The following EIF3E variants were observed in gnomAD, a reference collection of about 807,000 sequenced individuals.
The protein encoded by EIF3E is eIF-3 p48.
In EIF3E, 25 loss-of-function variants were observed where a neutral mutation model predicts 59.3. That is an observed-to-expected ratio of 0.42 (90% CI 0.31 to 0.59). EIF3E has a LOEUF of 0.59. Ranked by LOEUF, EIF3E falls within the 20% of genes least tolerant of loss-of-function variation. The probability of loss-of-function intolerance (pLI) is 0.15; values close to 1 mark genes in which losing one functional copy is unlikely to be tolerated. For missense variants in EIF3E, 317 were observed against 534.3 expected, an observed-to-expected ratio of 0.59 and a Z score of 4.01; for synonymous variants, 176 against 170.2, an observed-to-expected ratio of 1.03 and a Z score of -0.26.
chr8:108,235,182 C>A, intron 4 of EIF3E, 80 bp from the exon 5 acceptor site: 2 of 787,182 alleles, frequency 2.5e-6, no homozygotes, highest in Admixed American at 3.3e-5. Context: ...TCTTTGAGGT[C>A]AAAACTATGA....
chr8:108,231,711 T>A (rs1204691305), intron 5 of EIF3E: 1 of 152,118 alleles, frequency 6.6e-6, no homozygotes, highest in South Asian at 2.1e-4. Context: ...GCAAAAGTGT[T>A]CAAAAATTCC....
At chr8:108,242,160 T>C (rs1303776130) in intron 1 of EIF3E, 1 of 1,372,730 alleles carries the variant, frequency 7.3e-7, no homozygotes, top group Non-Finnish European at 9.6e-7. Context: ...CCCACCTACT[T>C]CTGATTTACA....
At chr8:108,240,124 G>T in intron 2 of EIF3E, 49 bp from the exon 3 acceptor site, 1 of 1,444,338 alleles carries the variant, frequency 6.9e-7, no homozygotes, top group Non-Finnish European at 9.8e-7. Context: ...ATGTTAAATT[G>T]TGCTACTCAT....
At chr8:108,211,921 C>A (rs1440240958) in intron 10 of EIF3E, among the ~76,000 whole-genome samples, 1 of 152,222 alleles carries the variant, frequency 6.6e-6, no homozygotes, top group African/African-American at 2.4e-5. Context: ...TCTTTATCCT[C>A]TGGCTCAACT....
intron 4 of EIF3E, among the ~76,000 whole-genome samples, chr8:108,235,782 A>G (rs949078890): frequency 1.3e-5 from 2 of 152,248 alleles, no homozygotes; most frequent in African/African-American, 4.8e-5. Flanking sequence ...TGCTCAAAGC[A>G]TTTCTAATTC....
rs1170102907 is a variant in EIF3E at position 108,229,182 on chromosome 8, T to C, written c.485A>G (p.Asp162Gly). ...CCAGAGTGAACTTAAAGCATTTCTA[T>C]CTGTTGCTGGAACCTGTTTAAGAAA... The part of the protein sequence containing the change: ...YFFRVLVPAT[D>G]RNALSSLWGK... The change falls in exon 6 of 13, where the codon GAT becomes GGT. Residue 162 changes from aspartate (D) to glycine (G), a missense_variant. Around this residue, in one of 4 missense-constraint regions of EIF3E, gnomAD observed 242 missense variants for 398.0 expected, o/e 0.61. Coordinates refer to ENST00000220849, the MANE Select transcript of EIF3E (RefSeq NM_001568.3). The C allele has an allele frequency of 6.2e-7, 1 of 1,612,664 alleles. No individual in the cohort carries two copies.
intron 7 of EIF3E, among the ~76,000 whole-genome samples, chr8:108,225,885 T>C (rs1470043760): frequency 6.8e-6 from 1 of 146,646 alleles, no homozygotes; most frequent in Non-Finnish European, 1.5e-5. Flanking sequence ...GTTTTCAAAG[T>C]TACTTTCGTT....
Position 108,229,103 on chromosome 8 carries a change from G to T in EIF3E, c.564C>A (p.Asp188Glu), listed in dbSNP as rs139998363. 3.0e-5 allele frequency: 48 copies of T among 1,612,228 alleles called. No homozygotes were observed. The highest frequency in any genetic ancestry group is 3.8e-5 in the Non-Finnish European group (45 of 1,179,334). Reference protein sequence around the residue: ...LMQNWDAAMEDLTRLKETIDN... With the variant: ...LMQNWDAAMEELTRLKETIDN... ...CTATGGTCTCTTTTAACCGTGTAAG[G>T]TCTTCCATGGCTGCATCCCAATTCT... is the stretch of plus-strand genomic sequence containing the variant. The change falls in exon 6 of 13, where the codon GAC (aspartate) becomes GAA (glutamate). Residue 188 changes from aspartate (D) to glutamate (E), a missense_variant. Coordinates refer to ENST00000220849, the MANE Select transcript of EIF3E (RefSeq NM_001568.3).
At chr8:108,228,093 GTTTAC>G in intron 7 of EIF3E, 169 bp downstream of exon 7, 1 of 614,774 alleles carries the variant, frequency 1.6e-6, no homozygotes, top group Non-Finnish European at 2.6e-6. Context: ...CTGTCAAATA[GTTTAC>G]TTAAGAGTCA....
chr8:108,244,469 T>C (rs1159676266), intron 1 of EIF3E, among the ~76,000 whole-genome samples: 3 of 152,206 alleles, frequency 2.0e-5, no homozygotes, highest in Non-Finnish European at 4.4e-5. Context: ...GATGACTCTT[T>C]AAAAGCTTGA....
Position 108,201,629 on chromosome 8 carries a change from C to T in EIF3E, c.*256G>A. The T allele has an allele frequency of 3.6e-6, 1 of 276,000 alleles. No homozygotes were observed. Among genetic ancestry groups the T allele is most frequent in the Non-Finnish European group, 6.9e-6 (1 of 145,678 alleles). 17.1% of individuals were successfully genotyped at this position (276,000 alleles called of 1,614,324 possible). A position where few individuals can be genotyped will look rare whatever the true frequency, so the allele number is the denominator to read the frequency against. ...TGAAAAAATTGAGGGAAACAGGGTT[C>T]AGCCTACAGGGACTTCTCTGTACTA... On this transcript the variant is annotated 3_prime_UTR_variant, in exon 13 of 13. Coordinates refer to ENST00000220849, the MANE Select transcript of EIF3E (RefSeq NM_001568.3).
chr8:108,216,058 T>C (rs909041546), intron 9 of EIF3E, among the ~76,000 whole-genome samples: 1 of 152,192 alleles, frequency 6.6e-6, no homozygotes, highest in African/African-American at 2.4e-5. Context: ...TGCCTGTACA[T>C]ATGAAATATT....
chr8:108,201,909 T>C lies in EIF3E; in HGVS notation c.1314A>G (p.Ala438=), dbSNP rs1286122019. The C allele has an allele frequency of 6.3e-7, 1 of 1,580,636 alleles. No individual in the cohort carries two copies. Among genetic ancestry groups the C allele is most frequent in the East Asian group, 2.3e-5 (1 of 44,048 alleles). Residue 438 remains alanine (A), a synonymous_variant, in exon 13 of 13, where the codon GCA becomes GCG. Transcript: ENST00000220849. Reference sequence around the variant, plus strand: ...TTCAGTAGAAGCCAGAATCTTGAGTTGCCCAGTTAGGAGCCTAAAATATGC... The same window carrying C: ...TTCAGTAGAAGCCAGAATCTTGAGTCGCCCAGTTAGGAGCCTAAAATATGC... The part of the protein sequence containing the change: ...QNSRSEAPNW[A]TQDSGFY
intron 4 of EIF3E, 107 bp downstream of exon 4, chr8:108,236,054 T>A: frequency 1.2e-6 from 1 of 820,910 alleles, no homozygotes; most frequent in Non-Finnish European, 1.8e-6. Context: ...AATAAATTAA[T>A]CTGGAAATTA....
chr8:108,236,107 T>C, intron 4 of EIF3E, 54 bp downstream of exon 4: 1 of 1,501,962 alleles, frequency 6.7e-7, no homozygotes. Context: ...CAAACCAGTC[T>C]TTAGTCAGCA....
At chr8:108,231,959 T>C (rs1387611152) in intron 5 of EIF3E, 1 of 151,934 alleles carries the variant, frequency 6.6e-6, no homozygotes, top group Non-Finnish European at 1.5e-5. Context: ...ATAGTTACAA[T>C]AGCTCTTTCA....
chr8:108,212,269 T>C (rs764280485), intron 10 of EIF3E, among the ~76,000 whole-genome samples: 6 of 152,180 alleles, frequency 3.9e-5, no homozygotes, highest in Non-Finnish European at 5.9e-5. Flanking sequence ...ATATATGATA[T>C]TACATTTGAA....
intron 7 of EIF3E, among the ~76,000 whole-genome samples, chr8:108,221,819 C>A (rs1488602698): frequency 6.6e-6 from 1 of 152,142 alleles, no homozygotes; most frequent in Non-Finnish European, 1.5e-5. Flanking sequence ...CACACACACA[C>A]ACACAAAGTG....
Position 108,235,014 on chromosome 8 carries a change from TAA to T in EIF3E, c.453_454del (p.Tyr152PhefsTer3). 6.8e-7 allele frequency: 1 copy of T among 1,469,392 alleles called. No individual in the cohort carries two copies. Among genetic ancestry groups the T allele is most frequent in the Non-Finnish European group, 9.2e-7 (1 of 1,086,580 alleles). The allele number at this position is 1,469,392 out of a possible 1,614,324, so 91.0% of individuals were successfully genotyped here. On this transcript the variant is annotated frameshift_variant, in exon 5 of 13. Transcript: ENST00000220849. LOFTEE classifies it high-confidence loss of function. Reference sequence around the variant, plus strand: ...TATACTTACCAGCACTCTAAAAAAATAAAGATATTCTGCTGCTCCTGAGTAAT... The same window carrying T: ...TATACTTACCAGCACTCTAAAAAAATAGATATTCTGCTGCTCCTGAGTAAT...
Sources: allele counts gnomAD v4.1 joint callset (sites outside exome capture counted in the v4.1 genomes callset), GRCh38; gene constraint gnomAD v4.1.1; regional missense constraint gnomAD v4.1.1; transcripts MANE v1.5; gene names NCBI Gene and HGNC (gene_info 2026-07-23, HGNC 2026-07-21).